The following CPE variants were observed in gnomAD, a reference collection of about 807,000 sequenced individuals.
CPE encodes the protein carboxypeptidase E, also known as carbocypeptidase E.
CPE carries 17 observed loss-of-function variants against 53.5 expected under a neutral mutation model. That is an observed-to-expected ratio of 0.32 (90% CI 0.22 to 0.48). The LOEUF (loss-of-function observed/expected upper bound fraction) is 0.48, where lower values mean the gene tolerates loss of function less well. CPE is among the 20% of genes least tolerant of loss of function. The pLI is 0.99. For synonymous variants in CPE, 226 were observed against 228.8 expected, an observed-to-expected ratio of 0.99 and a Z score of 0.11; for missense variants, 524 against 614.7, an observed-to-expected ratio of 0.85 and a Z score of 1.56.
chr4:165,459,119 A>G (rs1731950900), intron 1 of CPE, among the ~76,000 whole-genome samples: 1 of 152,188 alleles, frequency 6.6e-6, no homozygotes, highest in Admixed American at 6.5e-5. Flanking sequence ...TTGAGGCAAG[A>G]GACTTCTTTC....
intron 2 of CPE, among the ~76,000 whole-genome samples, chr4:165,466,968 T>C (rs1343275766): frequency 1.3e-5 from 2 of 152,248 alleles, no homozygotes; most frequent in African/African-American, 4.8e-5. Context: ...AGCTTTTTTC[T>C]ATTTTTAAAA....
intron 1 of CPE, among the ~76,000 whole-genome samples, chr4:165,409,343 A>G (rs1334562864): frequency 6.6e-6 from 1 of 152,144 alleles, no homozygotes; most frequent in African/African-American, 2.4e-5. Context: ...AGCTAGGATT[A>G]CAGGTGTGTG....
intron 1 of CPE, among the ~76,000 whole-genome samples, chr4:165,396,489 T>C (rs538681650): frequency 6.6e-6 from 1 of 151,764 alleles, no homozygotes; most frequent in African/African-American, 2.4e-5. Context: ...CTGGCCAACA[T>C]GGTGAAACCA....
intron 3 of CPE, among the ~76,000 whole-genome samples, chr4:165,472,517 T>G (rs1247542726): frequency 6.6e-6 from 1 of 152,236 alleles, no homozygotes. Flanking sequence ...ATAGGAGCTT[T>G]GTATAATTTT....
intron 1 of CPE, among the ~76,000 whole-genome samples, chr4:165,431,848 G>C (rs1016250251): frequency 6.6e-6 from 1 of 152,116 alleles, no homozygotes; most frequent in Non-Finnish European, 1.5e-5. Flanking sequence ...AGGGAAGGAA[G>C]AATATTAAAG....
chr4:165,497,664 A>T lies in CPE; in HGVS notation c.*54A>T, dbSNP rs796858645. The T allele has an allele frequency of 3.1e-6, 3 of 977,978 alleles. No homozygotes were observed. The South Asian group carries it at 8.8e-5, about 29-fold the overall frequency. 60.6% of individuals were successfully genotyped at this position (977,978 alleles called of 1,614,324 possible). On this transcript the variant is annotated 3_prime_UTR_variant, in exon 9 of 9. Transcript: ENST00000402744. ...TATCTATATAATGTAGTATGATGTA[A>T]TGTGGTCTTTTTTTTAGATTTTGTG... is the stretch of plus-strand genomic sequence containing the variant.
chr4:165,402,335 G>C (rs1730881694), intron 1 of CPE, among the ~76,000 whole-genome samples: 1 of 152,164 alleles, frequency 6.6e-6, no homozygotes, highest in Non-Finnish European at 1.5e-5. Context: ...CAGAATTGTT[G>C]AGATGCATAC....
At chr4:165,421,291 A>G (rs1731206180) in intron 1 of CPE, among the ~76,000 whole-genome samples, 1 of 152,178 alleles carries the variant, frequency 6.6e-6, no homozygotes, top group East Asian at 1.9e-4. Flanking sequence ...TGAAAGGTAT[A>G]CTTTTAGGAC....
At chr4:165,474,153 G>A (rs1366144373) in intron 3 of CPE, among the ~76,000 whole-genome samples, 1 of 152,192 alleles carries the variant, frequency 6.6e-6, no homozygotes, top group Non-Finnish European at 1.5e-5. Context: ...CAATAATTGA[G>A]CATTCCTCTT....
intron 1 of CPE, among the ~76,000 whole-genome samples, chr4:165,443,470 T>C (rs905824559): frequency 6.6e-6 from 1 of 152,190 alleles, no homozygotes; most frequent in African/African-American, 2.4e-5. Context: ...TTTTTCACAG[T>C]TCTGGAGACT....
chr4:165,494,185 C>T (rs2126718432), intron 7 of CPE, among the ~76,000 whole-genome samples: 1 of 152,230 alleles, frequency 6.6e-6, no homozygotes, highest in East Asian at 1.9e-4. Flanking sequence ...GCCAAGATGT[C>T]AGCCCATGTA....
chr4:165,477,548 T>C (rs1251113171), intron 3 of CPE, among the ~76,000 whole-genome samples: 1 of 152,124 alleles, frequency 6.6e-6, no homozygotes, highest in East Asian at 1.9e-4. Context: ...TAGTAGGCAG[T>C]TCATTAATGT....
At chr4:165,383,251 C>T (rs1730532530) in intron 1 of CPE, among the ~76,000 whole-genome samples, 1 of 152,152 alleles carries the variant, frequency 6.6e-6, no homozygotes, top group South Asian at 2.1e-4. Context: ...TAGGCATGAT[C>T]ATTTTTCCCG....
intron 1 of CPE, chr4:165,405,138 T>G: frequency 1.3e-6 from 1 of 760,978 alleles, no homozygotes; most frequent in Non-Finnish European, 2.4e-6. Flanking sequence ...ACTTTGTCAT[T>G]CAATCCTTTG....
chr4:165,410,666 A>T (rs1285705096), intron 1 of CPE, among the ~76,000 whole-genome samples: 1 of 152,234 alleles, frequency 6.6e-6, no homozygotes. Flanking sequence ...CCTTTCCTCA[A>T]ATGGAAGGTA....
chr4:165,451,856 T>C (rs1731817559), intron 1 of CPE, among the ~76,000 whole-genome samples: 1 of 152,026 alleles, frequency 6.6e-6, no homozygotes, highest in Non-Finnish European at 1.5e-5. Context: ...TGTTCAAGGT[T>C]AAATATACAA....
intron 1 of CPE, among the ~76,000 whole-genome samples, chr4:165,459,733 T>C (rs1181372235): frequency 6.9e-6 from 1 of 144,284 alleles, no homozygotes; most frequent in Non-Finnish European, 1.5e-5. Flanking sequence ...TTGGCCAATA[T>C]GGTGAAACCC....
chr4:165,423,804 C>G (rs1182416398), intron 1 of CPE, among the ~76,000 whole-genome samples: 1 of 131,074 alleles, frequency 7.6e-6, no homozygotes, highest in African/African-American at 2.8e-5. Flanking sequence ...TCCCCCCACC[C>G]CACAACAGTC....
At position 165,467,184 on chromosome 4, in the gene CPE, A is replaced by G. The variant is rs1333179949; in HGVS notation, c.505-504A>G. On this transcript the variant is annotated intron_variant, in intron 2 of 8. Coordinates refer to ENST00000402744, the MANE Select transcript of CPE (RefSeq NM_001873.4). ...CCAAAAATAAAAAACTTAGCCTAGCATGATTGTGCACATGTGTAGTCCCAG... is the reference window on the plus strand; with the variant it reads ...CCAAAAATAAAAAACTTAGCCTAGCGTGATTGTGCACATGTGTAGTCCCAG... Among the ~76,000 whole-genome samples the G allele has an allele frequency of 1.3e-5, 2 of 151,984 alleles. 1 individual carries two copies. Among genetic ancestry groups the G allele is most frequent in the Non-Finnish European group, 2.9e-5 (2 of 67,994 alleles).
Sources: allele counts gnomAD v4.1 joint callset (sites outside exome capture counted in the v4.1 genomes callset), GRCh38; gene constraint gnomAD v4.1.1; transcripts MANE v1.5; gene names NCBI Gene and HGNC (gene_info 2026-07-23, HGNC 2026-07-21).